The following BBS9 variants were observed in gnomAD, a reference collection of about 807,000 sequenced individuals.
The protein encoded by BBS9 is protein PTHB1.
A neutral mutation model predicts 117.7 loss-of-function variants in BBS9; 89 were observed. The observed-to-expected ratio is 0.76, with a 90% CI of 0.64 to 0.90. The LOEUF (loss-of-function observed/expected upper bound fraction) is 0.90. Among genes scored for constraint, BBS9 ranks in the 40% least tolerant of loss-of-function variants. The probability of loss-of-function intolerance (pLI) is 0.00; values close to 1 mark genes in which losing one functional copy is unlikely to be tolerated. For synonymous variants in BBS9, 379 were observed against 370.9 expected, an observed-to-expected ratio of 1.02 and a Z score of -0.25; for missense variants, 982 against 1,042.2, an observed-to-expected ratio of 0.94 and a Z score of 0.80.
chr7:33,514,550 G>T (rs12674093), intron 20 of BBS9, among the ~76,000 whole-genome samples: 86,725 of 151,910 alleles, frequency 0.57, 25,037 homozygotes, highest in Admixed American at 0.66. Context: ...CTTTAAAAAA[G>T]TTAAACAACA....
intron 18 of BBS9, among the ~76,000 whole-genome samples, chr7:33,384,696 G>GTC (rs1359897654): frequency 1.2e-4 from 17 of 146,236 alleles, no homozygotes; most frequent in African/African-American, 4.1e-4. Context: ...GTGTGCATGT[G>GTC]TCTGTGTGTG....
chr7:33,533,678 C>CTTCT, intron 20 of BBS9: 1 of 495,440 alleles, frequency 2.0e-6, no homozygotes, highest in Non-Finnish European at 3.7e-6. Context: ...GAGCTAAACC[C>CTTCT]TTCTCATAGA....
intron 9 of BBS9, among the ~76,000 whole-genome samples, chr7:33,294,335 A>G (rs867033370): frequency 2.5e-4 from 32 of 129,296 alleles, no homozygotes; most frequent in African/African-American, 9.4e-4. Context: ...CTATCTATCT[A>G]TCTATCTATC....
At chr7:33,504,862 T>C (rs76948016) in intron 19 of BBS9, among the ~76,000 whole-genome samples, 2 of 152,080 alleles carry the variant, frequency 1.3e-5, no homozygotes, top group African/African-American at 2.4e-5. Flanking sequence ...TTTTTTTTTT[T>C]TCTTTCAGGT....
chr7:33,409,511 A>C (rs992222036), intron 19 of BBS9, among the ~76,000 whole-genome samples: 2 of 152,112 alleles, frequency 1.3e-5, no homozygotes, highest in African/African-American at 4.8e-5. Context: ...CTATTGGTCT[A>C]TGTGTCTGTT....
At chr7:33,311,969 T>A (rs1184182143) in intron 9 of BBS9, among the ~76,000 whole-genome samples, 2 of 152,242 alleles carry the variant, frequency 1.3e-5, no homozygotes, top group African/African-American at 4.8e-5. Flanking sequence ...GCAATTTTAA[T>A]TTTGAAAGAA....
chr7:33,154,316 T>A (rs1037159219), intron 3 of BBS9, among the ~76,000 whole-genome samples: 5 of 152,202 alleles, frequency 3.3e-5, no homozygotes, highest in Non-Finnish European at 7.3e-5. Flanking sequence ...TCTGAAAGTT[T>A]AAATGATCAT....
intron 5 of BBS9, among the ~76,000 whole-genome samples, chr7:33,182,313 A>G (rs1798207972): frequency 6.6e-6 from 1 of 152,220 alleles, no homozygotes; most frequent in African/African-American, 2.4e-5. Context: ...TGGTAAATAC[A>G]TGATTTTAAT....
intron 19 of BBS9, among the ~76,000 whole-genome samples, chr7:33,420,964 G>A (rs1033235533): frequency 6.6e-6 from 1 of 152,130 alleles, no homozygotes; most frequent in Admixed American, 6.5e-5. Context: ...TATCATCGAG[G>A]CCTCTCTAGA....
At chr7:33,574,202 G>A (rs930141156) in intron 21 of BBS9, among the ~76,000 whole-genome samples, 4 of 151,940 alleles carry the variant, frequency 2.6e-5, no homozygotes, top group Non-Finnish European at 5.9e-5. Context: ...AACTTTTTTT[G>A]CAAATAGTGA....
intron 9 of BBS9, among the ~76,000 whole-genome samples, chr7:33,302,466 A>T (rs1806683050): frequency 6.6e-6 from 1 of 152,050 alleles, no homozygotes; most frequent in Non-Finnish European, 1.5e-5. Flanking sequence ...ATGGTGAGAG[A>T]TAGGGGTCTA....
At chr7:33,158,567 GC>G (rs1794401808) in intron 4 of BBS9, among the ~76,000 whole-genome samples, 2 of 152,074 alleles carry the variant, frequency 1.3e-5, no homozygotes, top group African/African-American at 4.8e-5. Context: ...ATTTTAAAGT[GC>G]TATTACCTGA....
At chr7:33,322,356 C>CTTTTTTTTTTTTTTTTTTTTTTT (rs35411730) in intron 9 of BBS9, among the ~76,000 whole-genome samples, 1 of 74,162 alleles carries the variant, frequency 1.3e-5, no homozygotes, top group African/African-American at 4.7e-5. Flanking sequence ...GGGTCTCAGG[C>CTTTTTTTTTTTTTTTTTTTTTTT]TTTTTTTTTT....
At chr7:33,553,699 T>G (rs74901687) in intron 21 of BBS9, among the ~76,000 whole-genome samples, 3,896 of 152,206 alleles carry the variant, frequency 0.026, 52 homozygotes, top group East Asian at 0.046. Context: ...TATTAACAAA[T>G]GTAGAGTTCT....
chr7:33,491,487 A>C (rs78575953), intron 19 of BBS9, among the ~76,000 whole-genome samples: 2 of 152,218 alleles, frequency 1.3e-5, no homozygotes, highest in Non-Finnish European at 2.9e-5. Context: ...TTCTGCTAGT[A>C]ATATTAAGCT....
chr7:33,256,273 T>A (rs539828198), intron 5 of BBS9, among the ~76,000 whole-genome samples: 2 of 152,256 alleles, frequency 1.3e-5, no homozygotes, highest in Non-Finnish European at 2.9e-5. Flanking sequence ...AGAATACTTT[T>A]CAAACAGCAT....
chr7:33,433,074 C>T (rs1347194960), intron 19 of BBS9, among the ~76,000 whole-genome samples: 1 of 152,106 alleles, frequency 6.6e-6, no homozygotes, highest in Non-Finnish European at 1.5e-5. Flanking sequence ...TCCTCCAGTA[C>T]CACATGCTAG....
intron 5 of BBS9, among the ~76,000 whole-genome samples, chr7:33,216,507 G>T (rs879634787): frequency 6.6e-6 from 1 of 152,158 alleles, no homozygotes; most frequent in Non-Finnish European, 1.5e-5. Context: ...GGCTAAAAAA[G>T]AATTGCCTTT....
chr7:33,403,258 T>G (rs1375823595), intron 19 of BBS9, among the ~76,000 whole-genome samples: 1 of 151,724 alleles, frequency 6.6e-6, no homozygotes, highest in African/African-American at 2.4e-5. Context: ...CTCCCCACTC[T>G]AATACTCCCA....
Sources: gnomAD v4.1 joint callset for allele counts (sites outside exome capture counted in the v4.1 genomes callset) on GRCh38, gnomAD v4.1.1 for gene constraint, MANE v1.5 for transcripts, NCBI Gene and HGNC (gene_info 2026-07-23, HGNC 2026-07-21) for gene names.